The following MVB12B variants were observed in gnomAD, a reference collection of about 807,000 sequenced individuals.
MVB12B encodes the protein multivesicular body subunit 12B.
MVB12B carries 16 observed loss-of-function variants against 41.6 expected under a neutral mutation model. That is an observed-to-expected ratio of 0.38 (90% CI 0.26 to 0.58). The LOEUF (loss-of-function observed/expected upper bound fraction) is 0.58. MVB12B is among the 20% of genes least tolerant of loss of function. The probability of loss-of-function intolerance (pLI) is 0.62; values close to 1 mark genes in which losing one functional copy is unlikely to be tolerated. For synonymous variants in MVB12B, 133 were observed against 139.7 expected, an observed-to-expected ratio of 0.95 and a Z score of 0.34; for missense variants, 274 against 380.2, an observed-to-expected ratio of 0.72 and a Z score of 2.32.
intron 9 of MVB12B, among the ~76,000 whole-genome samples, chr9:126,501,588 G>T (rs1291078879): frequency 6.6e-6 from 1 of 152,222 alleles, no homozygotes; most frequent in African/African-American, 2.4e-5. Flanking sequence ...TGGACATAGT[G>T]CTGGGCTTTG....
rs1196528241 is a variant in MVB12B at position 126,503,585 on chromosome 9, G to A, written c.*322G>A. On this transcript the variant is annotated 3_prime_UTR_variant, in exon 10 of 10. Transcript: ENST00000361171. ...CCACGGAGTCACCCTGAGGGCCCCG[G>A]GCAGTTGCCCTGGCCGCCCAGTGAC... The A allele has an allele frequency of 2.5e-6, 1 of 392,568 alleles. No homozygotes were observed. Among genetic ancestry groups the A allele is most frequent in the Non-Finnish European group, 4.6e-6 (1 of 216,786 alleles). 24.3% of individuals were successfully genotyped at this position (392,568 alleles called of 1,614,324 possible).
At chr9:126,443,667 A>T in intron 7 of MVB12B, among the ~76,000 whole-genome samples, 1 of 152,246 alleles carries the variant, frequency 6.6e-6, no homozygotes, top group Non-Finnish European at 1.5e-5. Flanking sequence ...GTTTACACTT[A>T]AAAGTGTATG....
rs542423721 is a variant in MVB12B, at chr9:126,436,011, A to G, written c.757+14063A>G. 6.6e-6 allele frequency among the ~76,000 whole-genome samples: 1 copy of G among 152,318 alleles called. No individual in the cohort carries two copies. The highest frequency in any genetic ancestry group is 2.4e-5 in the African/African-American group (1 of 41,562). On this transcript the variant is annotated intron_variant, in intron 7 of 9. Coordinates refer to ENST00000361171, the MANE Select transcript of MVB12B (RefSeq NM_033446.3). The surrounding 1 kb of genome is among the most constrained non-coding windows in gnomAD (Gnocchi z 4.1). ...AGAGGTTAGTCATTTATTTTTGCAA[A>G]CTATTGTTTTGATTCATCATTTTTG...
intron 2 of MVB12B, among the ~76,000 whole-genome samples, chr9:126,350,475 AC>A (rs1239338847): frequency 1.3e-5 from 2 of 152,164 alleles, no homozygotes; most frequent in African/African-American, 4.8e-5. Context: ...ATTAACACTT[AC>A]GTCTGTGATC....
chr9:126,458,372 A>G (rs1436187389), intron 7 of MVB12B, among the ~76,000 whole-genome samples: 2 of 152,190 alleles, frequency 1.3e-5, no homozygotes, highest in Non-Finnish European at 2.9e-5. Flanking sequence ...TATTATTTCT[A>G]GGCTGTTCGG....
intron 1 of MVB12B, among the ~76,000 whole-genome samples, chr9:126,336,754 G>GCACGCACACA (rs1554766433): frequency 8.6e-5 from 13 of 150,292 alleles, no homozygotes; most frequent in Non-Finnish European, 1.8e-4. Context: ...GTGTGTGCAC[G>GCACGCACACA]CACACACACA....
At chr9:126,365,038 C>G (rs1412225826) in intron 2 of MVB12B, among the ~76,000 whole-genome samples, 1 of 145,724 alleles carries the variant, frequency 6.9e-6, no homozygotes, top group Admixed American at 6.9e-5. Flanking sequence ...AGGCGTGAGC[C>G]ACCGCGCCTG....
intron 7 of MVB12B, among the ~76,000 whole-genome samples, chr9:126,458,279 C>A (rs1001724289): frequency 1.3e-5 from 2 of 152,126 alleles, no homozygotes; most frequent in Admixed American, 6.5e-5. Context: ...GGATAGAGAC[C>A]AGGACAAATG....
intron 7 of MVB12B, among the ~76,000 whole-genome samples, chr9:126,463,379 G>T (rs2119179420): frequency 6.6e-6 from 1 of 152,270 alleles, no homozygotes. Context: ...GAGAAGTCCG[G>T]TATTTCTGCT....
chr9:126,458,428 G>A (rs1221012447), intron 7 of MVB12B, among the ~76,000 whole-genome samples: 2 of 152,186 alleles, frequency 1.3e-5, no homozygotes, highest in Admixed American at 6.5e-5. Flanking sequence ...ACCCCTGGCC[G>A]GAGCCAGCAT....
chr9:126,498,156 C>A (rs371496244), intron 9 of MVB12B, among the ~76,000 whole-genome samples: 2 of 152,294 alleles, frequency 1.3e-5, no homozygotes, highest in African/African-American at 4.8e-5. Flanking sequence ...ACGTGGAGCC[C>A]CTCATGTGAG....
chr9:126,401,848 G>GTCAC (rs56396332), intron 6 of MVB12B, among the ~76,000 whole-genome samples: 18,878 of 152,192 alleles, frequency 0.12, 1,556 homozygotes, highest in East Asian at 0.38. Context: ...GGAGCCTTAG[G>GTCAC]TCACTGGCTG....
chr9:126,456,822 C>T (rs1458485888), intron 7 of MVB12B, among the ~76,000 whole-genome samples: 3 of 152,086 alleles, frequency 2.0e-5, no homozygotes, highest in African/African-American at 4.8e-5. Context: ...ATTACTTCAC[C>T]AGCAGCAGGC....
At chr9:126,419,066 C>A (rs1831917672) in intron 6 of MVB12B, among the ~76,000 whole-genome samples, 1 of 152,204 alleles carries the variant, frequency 6.6e-6, no homozygotes, top group Non-Finnish European at 1.5e-5. Context: ...GCCTCTTTGC[C>A]ATCATCCATG....
chr9:126,411,409 T>TA (rs34560777), intron 6 of MVB12B, among the ~76,000 whole-genome samples: 8 of 152,146 alleles, frequency 5.3e-5, no homozygotes, highest in Non-Finnish European at 1.2e-4. Flanking sequence ...AGGAGCACAA[T>TA]AAAAAAAGTG....
At chr9:126,328,780 T>C (rs1248947110) in intron 1 of MVB12B, among the ~76,000 whole-genome samples, 2 of 152,006 alleles carry the variant, frequency 1.3e-5, no homozygotes, top group Admixed American at 6.6e-5. Flanking sequence ...TGTCTGCTTT[T>C]TTTTTGGTTT....
chr9:126,381,047 CTG>C lies in MVB12B; in HGVS notation c.205-15_205-14del. The C allele has an allele frequency of 6.2e-7, 1 of 1,609,530 alleles. No individual in the cohort carries two copies. The highest frequency in any genetic ancestry group is 8.5e-7 in the Non-Finnish European group (1 of 1,175,954). ...CCTGCCTTACCTGCAATCCTTTTCT[CTG>C]TCTCTCCGGTGTAGGTTGCACAGAC... On this transcript the variant is annotated splice_polypyrimidine_tract_variant and intron_variant, in intron 2 of 9. Transcript: ENST00000361171.
chr9:126,430,879 G>C (rs897862926), intron 7 of MVB12B, among the ~76,000 whole-genome samples: 39 of 152,238 alleles, frequency 2.6e-4, no homozygotes, highest in Non-Finnish European at 7.3e-5. Flanking sequence ...TTTGGGCAAT[G>C]CTAGTATCCA....
intron 7 of MVB12B, among the ~76,000 whole-genome samples, chr9:126,447,230 C>T (rs951033859): frequency 2.0e-5 from 3 of 148,660 alleles, no homozygotes; most frequent in African/African-American, 7.4e-5. Flanking sequence ...CAGGCATGAA[C>T]CACACTGCCC....
Sources: gnomAD v4.1 joint callset for allele counts (sites outside exome capture counted in the v4.1 genomes callset) on GRCh38, gnomAD v4.1.1 for gene constraint, Gnocchi (gnomAD v3.1) non-coding constraint, MANE v1.5 for transcripts, NCBI Gene and HGNC (gene_info 2026-07-23, HGNC 2026-07-21) for gene names.